The following ANKRD11 variants were observed in gnomAD, a reference collection of about 807,000 sequenced individuals.
ANKRD11 encodes the protein ankyrin repeat domain 11.
In ANKRD11, 17 loss-of-function variants were observed where a neutral mutation model predicts 195.7. The observed-to-expected ratio is 0.09, with a 90% CI of 0.06 to 0.13. The LOEUF (loss-of-function observed/expected upper bound fraction) is 0.13, where lower values mean the gene tolerates loss of function less well. ANKRD11 is among the 10% of genes least tolerant of loss of function. ANKRD11 has a pLI of 1.00. For synonymous variants in ANKRD11, 1,953 were observed against 1,528.1 expected (o/e 1.28, Z -6.49); for missense variants, 3,735 against 3,566.1 (o/e 1.05, Z -1.21).
At chr16:89,299,321 G>A (rs894002801) in intron 4 of ANKRD11, 2 of 237,142 alleles carry the variant, frequency 8.4e-6, no homozygotes, top group Non-Finnish European at 1.7e-5. Flanking sequence ...TGCCCTGCGT[G>A]GGATCCCTGC....
chr16:89,468,701 T>C (rs557941264), intron 1 of ANKRD11, among the ~76,000 whole-genome samples: 1 of 152,052 alleles, frequency 6.6e-6, no homozygotes, highest in African/African-American at 2.4e-5. Context: ...AGTAAGACGC[T>C]ATCTCAAAAA....
intron 1 of ANKRD11, among the ~76,000 whole-genome samples, chr16:89,433,313 C>A (rs1269525300): frequency 6.6e-6 from 1 of 152,232 alleles, no homozygotes; most frequent in Admixed American, 6.5e-5. Context: ...GTCTGCTAAC[C>A]TACAAGTTAA....
Position 89,279,025 on chromosome 16 carries a change from G to A in ANKRD11, c.7470+47C>T, listed in dbSNP as rs536302212. On this transcript the variant is annotated intron_variant, in intron 9 of 12. Transcript: ENST00000301030. The surrounding 1 kb of genome is among the most constrained non-coding windows in gnomAD (Gnocchi z 5.6). ...GAAGCCGTGACTAGGGGCCCCAGAC[G>A]CATCCCAGAGAGAGAAGGCAGTGGC... 1.5e-5 allele frequency: 24 copies of A among 1,609,484 alleles called. No homozygotes were observed. In the East Asian group the frequency reaches 2.9e-4, roughly 20 times the overall value.
chr16:89,319,308 G>A (rs1040218532), intron 2 of ANKRD11, among the ~76,000 whole-genome samples: 2 of 152,250 alleles, frequency 1.3e-5, no homozygotes, highest in African/African-American at 4.8e-5. Flanking sequence ...CATGTCCCTA[G>A]CTTGGTGCTT....
intron 2 of ANKRD11, among the ~76,000 whole-genome samples, chr16:89,355,001 T>G (rs1177604278): frequency 1.3e-5 from 2 of 152,110 alleles, no homozygotes; most frequent in African/African-American, 4.8e-5. Context: ...AATGCACAGA[T>G]TCACATGCTG....
chr16:89,326,198 G>A (rs368336646), intron 2 of ANKRD11, among the ~76,000 whole-genome samples: 12 of 152,200 alleles, frequency 7.9e-5, no homozygotes, highest in African/African-American at 2.9e-4. Flanking sequence ...AGGCAGGGAC[G>A]GCAGATGGAG....
chr16:89,310,117 G>T lies in ANKRD11; in HGVS notation c.88-4773C>A, dbSNP rs182016544. 1.1e-4 allele frequency among the ~76,000 whole-genome samples: 17 copies of T among 152,364 alleles called. No individual in the cohort carries two copies. In the East Asian group the frequency reaches 2.9e-3, roughly 26 times the overall value. On this transcript the variant is annotated intron_variant, in intron 3 of 12. Coordinates refer to ENST00000301030, the MANE Select transcript of ANKRD11 (RefSeq NM_013275.6). ...AATCTTTCTGGTAAGAATGAGAGTC[G>T]TGTTGTCCACTGACTGCAGCACAGA... is the stretch of plus-strand genomic sequence containing the variant.
intron 1 of ANKRD11, among the ~76,000 whole-genome samples, chr16:89,471,734 G>A (rs2057090916): frequency 7.5e-6 from 1 of 133,082 alleles, no homozygotes; most frequent in African/African-American, 3.0e-5. Flanking sequence ...GCAGTGAGCT[G>A]AGATGATGCC....
At chr16:89,332,692 G>A (rs866828554) in intron 2 of ANKRD11, among the ~76,000 whole-genome samples, 1 of 152,188 alleles carries the variant, frequency 6.6e-6, no homozygotes, top group African/African-American at 2.4e-5. Context: ...GACCAGGCAG[G>A]GCTCTCCTCC....
chr16:89,334,161 A>AC lies in ANKRD11; in HGVS notation c.-59-17084_-59-17083insG, dbSNP rs1163850688. ...CTGTGTTTTAAAAAAAAAAAAAAAA[A>AC]AAAAAAAAAAAACAGAGAGAGAGAG... is the stretch of plus-strand genomic sequence containing the variant. On this transcript the variant is annotated intron_variant, in intron 2 of 12. Transcript: ENST00000301030. Among the ~76,000 whole-genome samples, 313 of 142,706 alleles carry AC rather than the reference A, an allele frequency of 2.2e-3. 11 individuals are homozygous for AC. In the Middle Eastern group the frequency reaches 0.036, roughly 17 times the overall value. The allele number at this position is 142,706 out of a possible 152,430, so 93.6% of individuals were successfully genotyped here. A position where few individuals can be genotyped will look rare whatever the true frequency, so the allele number is the denominator to read the frequency against.
intron 2 of ANKRD11, among the ~76,000 whole-genome samples, chr16:89,334,913 G>A (rs535132252): frequency 6.6e-6 from 1 of 152,232 alleles, no homozygotes; most frequent in East Asian, 1.9e-4. Context: ...CTGCATGCAT[G>A]AGGGCCCCAT....
chr16:89,387,586 T>C (rs1460080709), intron 2 of ANKRD11, among the ~76,000 whole-genome samples: 1 of 145,052 alleles, frequency 6.9e-6, no homozygotes, highest in East Asian at 2.1e-4. Context: ...GGCAGGAGAA[T>C]GGCGGGAACC....
chr16:89,279,334 G>T lies in ANKRD11; in HGVS notation c.7208C>A (p.Ser2403Tyr). ...TQQLQQQLNT[S>Y]TQQTREVIQQ... ...GATCACCTCCCGCGTCTGCTGCGTGGACGTGTTCAGCTGCTGCTGCAGCTG... is the reference window on the plus strand; with the variant it reads ...GATCACCTCCCGCGTCTGCTGCGTGTACGTGTTCAGCTGCTGCTGCAGCTG... Residue 2403 changes from serine (S) to tyrosine (Y), a missense_variant, in exon 9 of 13, where the codon TCC (serine) becomes TAC (tyrosine). Physicochemically the swap from Ser to Tyr is moderately radical, Grantham distance 144. Coordinates refer to ENST00000301030, the MANE Select transcript of ANKRD11 (RefSeq NM_013275.6). The surrounding 1 kb of genome is among the most constrained non-coding windows in gnomAD (Gnocchi z 5.6). 1 of 1,611,378 alleles carries T rather than the reference G, an allele frequency of 6.2e-7. No individual in the cohort carries two copies. Among genetic ancestry groups the T allele is most frequent in the Non-Finnish European group, 8.5e-7 (1 of 1,179,576 alleles).
chr16:89,361,813 A>G (rs1395818424), intron 2 of ANKRD11: 1 of 152,256 alleles, frequency 6.6e-6, no homozygotes, highest in African/African-American at 2.4e-5. Flanking sequence ...GCTTGGGAAA[A>G]TTAACCCTAA....
rs145678880 is a variant in ANKRD11 at position 89,285,617 on chromosome 16, C to T, written c.925G>A (p.Ala309Thr). 1.4e-5 allele frequency: 23 copies of T among 1,614,120 alleles called. No homozygotes were observed. The highest frequency in any genetic ancestry group is 2.2e-5 in the East Asian group (1 of 44,880). ...TTGCCGTCGACTGAACTGGAAGGTG[C>T]GAAGGATGGTGCGTCTTCCTCTTCT... The part of the protein sequence containing the change: ...SSEEEDAPSF[A>T]PSSSVDGNNT... Residue 309 changes from alanine to threonine, a missense_variant, in exon 9 of 13, where the codon GCA becomes ACA. Physicochemically the swap from Ala to Thr is moderately conservative, Grantham distance 58 (BLOSUM62 0). Coordinates refer to ENST00000301030, the MANE Select transcript of ANKRD11 (RefSeq NM_013275.6). The surrounding 1 kb of genome is among the most constrained non-coding windows in gnomAD (Gnocchi z 5.6).
intron 2 of ANKRD11, among the ~76,000 whole-genome samples, chr16:89,367,098 G>A (rs1162356504): frequency 1.3e-5 from 2 of 152,102 alleles, no homozygotes; most frequent in African/African-American, 2.4e-5. Flanking sequence ...ATGCCACCCC[G>A]AGACTCACCG....
intron 2 of ANKRD11, among the ~76,000 whole-genome samples, chr16:89,319,026 G>C (rs1438743611): frequency 6.6e-6 from 1 of 152,226 alleles, no homozygotes; most frequent in African/African-American, 2.4e-5. Flanking sequence ...CAAGCTCATG[G>C]CTGTCTAGAA....
At chr16:89,388,524 G>A (rs1198151518) in intron 2 of ANKRD11, among the ~76,000 whole-genome samples, 1 of 151,942 alleles carries the variant, frequency 6.6e-6, no homozygotes, top group African/African-American at 2.4e-5. Context: ...ACGCACACAC[G>A]TCACAAAAAA....
intron 2 of ANKRD11, among the ~76,000 whole-genome samples, chr16:89,394,987 A>C (rs998443723): frequency 5.9e-5 from 9 of 152,240 alleles, no homozygotes; most frequent in Non-Finnish European, 1.3e-4. Context: ...AAGATCTCCA[A>C]ACCAGCAAAT....
Sources: gnomAD v4.1 joint callset for allele counts (sites outside exome capture counted in the v4.1 genomes callset) on GRCh38, gnomAD v4.1.1 for gene constraint, Gnocchi (gnomAD v3.1) non-coding constraint, MANE v1.5 for transcripts, NCBI Gene and HGNC (gene_info 2026-07-23, HGNC 2026-07-21) for gene names.